ABCA12: variants seen among roughly 807,000 people sequenced by gnomAD.
ABCA12 encodes glucosylceramide transporter ABCA12.
ABCA12 carries 156 observed loss-of-function variants against 293.5 expected under a neutral mutation model. That is an observed-to-expected ratio of 0.53 (90% CI 0.47 to 0.61). The LOEUF is 0.61. Ranked by LOEUF, ABCA12 falls within the 20% of genes least tolerant of loss-of-function variation. ABCA12 has a pLI of 0.00. For synonymous variants in ABCA12, 1,063 were observed against 1,108.0 expected (o/e 0.96, Z 0.81); for missense variants, 2,797 against 3,090.2 (o/e 0.91, Z 2.25).
At chr2:215,054,161 A>G (rs1039049853) in intron 4 of ABCA12, among the ~76,000 whole-genome samples, 1 of 152,064 alleles carries the variant, frequency 6.6e-6, no homozygotes. Flanking sequence ...TAGATACAGC[A>G]CTTAACTTTG....
intron 8 of ABCA12, among the ~76,000 whole-genome samples, chr2:215,034,421 G>A (rs1282252480): frequency 1.3e-5 from 2 of 151,816 alleles, no homozygotes; most frequent in African/African-American, 4.8e-5. Context: ...GTGTGGAGAG[G>A]AATGGGGGAA....
At chr2:215,132,713 C>A (rs746412831) in intron 1 of ABCA12, among the ~76,000 whole-genome samples, 2 of 151,946 alleles carry the variant, frequency 1.3e-5, no homozygotes, top group African/African-American at 2.4e-5. Context: ...ATCTTTTAAG[C>A]AGGGCATTGA....
chr2:215,007,969 C>T (rs953119052), intron 18 of ABCA12, 123 bp from the exon 19 acceptor site: 3 of 1,258,976 alleles, frequency 2.4e-6, no homozygotes, highest in Non-Finnish European at 1.1e-6. Context: ...GAAGTTAGTA[C>T]AAACAATTGT....
At chr2:215,081,299 G>A in intron 2 of ABCA12, among the ~76,000 whole-genome samples, 1 of 151,916 alleles carries the variant, frequency 6.6e-6, no homozygotes, top group Non-Finnish European at 1.5e-5. Context: ...CCAACATGGT[G>A]AAACCCCATC....
intron 34 of ABCA12, 50 bp downstream of exon 34, chr2:214,975,735 T>G: frequency 6.2e-7 from 1 of 1,612,036 alleles, no homozygotes; most frequent in African/African-American, 1.3e-5. Flanking sequence ...ACAACCACAC[T>G]CCTGGAAGCA....
At chr2:214,994,971 G>GA (rs1016960482) in intron 23 of ABCA12, among the ~76,000 whole-genome samples, 37 of 151,986 alleles carry the variant, frequency 2.4e-4, no homozygotes, top group African/African-American at 8.5e-4. Context: ...AAAATAATGA[G>GA]AAAAAATATA....
At chr2:214,937,717 CA>C in intron 50 of ABCA12, 102 bp from the exon 51 acceptor site, 1 of 821,224 alleles carries the variant, frequency 1.2e-6, no homozygotes, top group Non-Finnish European at 2.0e-6. Context: ...ACCATTATAT[CA>C]CCTTTTCTTT....
At chr2:214,941,551 T>G (rs1698402606) in intron 50 of ABCA12, among the ~76,000 whole-genome samples, 1 of 152,118 alleles carries the variant, frequency 6.6e-6, no homozygotes, top group Admixed American at 6.5e-5. Flanking sequence ...CAGTGGGGTG[T>G]TAAAGTCTTC....
At chr2:215,000,658 C>G (rs1423210193) in intron 22 of ABCA12, 47 bp downstream of exon 22, 14 of 1,607,500 alleles carry the variant, frequency 8.7e-6, no homozygotes, top group Non-Finnish European at 1.2e-5. Flanking sequence ...AGTGAGTTCT[C>G]AGAAAAGTTG....
intron 15 of ABCA12, chr2:215,013,235 A>G (rs1407162700): frequency 6.6e-5 from 10 of 152,246 alleles, no homozygotes; most frequent in African/African-American, 2.4e-4. Flanking sequence ...GTGTTTAGCT[A>G]CGAAATCAAA....
At chr2:214,972,409 TTTTAA>T (rs1202786404) in intron 36 of ABCA12, among the ~76,000 whole-genome samples, 1 of 152,182 alleles carries the variant, frequency 6.6e-6, no homozygotes, top group East Asian at 1.9e-4. Flanking sequence ...TTTTAATTTA[TTTTAA>T]TTTATTTATT....
chr2:214,994,759 T>C (rs921128296), intron 23 of ABCA12, among the ~76,000 whole-genome samples: 1 of 152,174 alleles, frequency 6.6e-6, no homozygotes, highest in African/African-American at 2.4e-5. Context: ...CACAAAAAAA[T>C]TGTTTAATGT....
chr2:214,947,716 C>G (rs1698627017), intron 47 of ABCA12, 160 bp from the exon 48 acceptor site: 4 of 825,246 alleles, frequency 4.8e-6, no homozygotes, highest in African/African-American at 1.7e-5. Context: ...ATTTTATTTT[C>G]AAAGAATCAC....
At chr2:214,974,568 T>C (rs1250006193) in intron 35 of ABCA12, among the ~76,000 whole-genome samples, 1 of 152,196 alleles carries the variant, frequency 6.6e-6, no homozygotes. Context: ...AAGAGAGTTG[T>C]ACAAATCATA....
At chr2:215,074,435 G>T (rs1253342653) in intron 2 of ABCA12, among the ~76,000 whole-genome samples, 1 of 152,112 alleles carries the variant, frequency 6.6e-6, no homozygotes, top group Non-Finnish European at 1.5e-5. Flanking sequence ...AGGATTTTAG[G>T]AGGCTTATTA....
chr2:215,115,004 G>C (rs1320394717), intron 1 of ABCA12, among the ~76,000 whole-genome samples: 3 of 152,092 alleles, frequency 2.0e-5, no homozygotes, highest in Admixed American at 6.6e-5. Flanking sequence ...GTTGCCTTTT[G>C]CTTGATCTAA....
At chr2:215,019,042 G>A (rs1200269849) in intron 13 of ABCA12, among the ~76,000 whole-genome samples, 2 of 152,172 alleles carry the variant, frequency 1.3e-5, no homozygotes, top group Non-Finnish European at 2.9e-5. Context: ...CCTTGCAGCT[G>A]ACTATGGGAT....
At chr2:215,113,998 T>C (rs925655581) in intron 1 of ABCA12, among the ~76,000 whole-genome samples, 6 of 152,122 alleles carry the variant, frequency 3.9e-5, no homozygotes, top group Non-Finnish European at 7.4e-5. Flanking sequence ...TTCTTTGAGA[T>C]GGAGTCTTGC....
chr2:214,946,412 A>G (rs906404705), intron 48 of ABCA12, among the ~76,000 whole-genome samples: 4 of 152,134 alleles, frequency 2.6e-5, no homozygotes, highest in Admixed American at 6.6e-5. Context: ...TAAAATGTCT[A>G]ACATTTTAAA....
Sources: allele counts gnomAD v4.1 joint callset (sites outside exome capture counted in the v4.1 genomes callset), GRCh38; gene constraint gnomAD v4.1.1; transcripts MANE v1.5; gene names NCBI Gene and HGNC (gene_info 2026-07-23, HGNC 2026-07-21).